RABGAP1L: variants seen among roughly 807,000 people sequenced by gnomAD.
RABGAP1L encodes RAB GTPase activating protein 1 like.
A neutral mutation model predicts 137.7 loss-of-function variants in RABGAP1L; 63 were observed. The observed-to-expected ratio is 0.46, with a 90% confidence interval of 0.37 to 0.56. RABGAP1L has a LOEUF of 0.56. Ranked by LOEUF, RABGAP1L falls within the 20% of genes least tolerant of loss-of-function variation. RABGAP1L has a pLI of 0.00. For missense variants in RABGAP1L, 1,095 were observed against 1,244.0 expected (o/e 0.88, Z 1.80); for synonymous variants, 431 against 433.7 (o/e 0.99, Z 0.08).
chr1:174,932,169 A>G (rs1663942555), intron 19 of RABGAP1L, among the ~76,000 whole-genome samples: 1 of 151,414 alleles, frequency 6.6e-6, no homozygotes, highest in Non-Finnish European at 1.5e-5. Flanking sequence ...TTCATATAGG[A>G]TGAAGGAAAC....
At chr1:174,886,415 C>T (rs1178630475) in intron 19 of RABGAP1L, among the ~76,000 whole-genome samples, 1 of 152,178 alleles carries the variant, frequency 6.6e-6, no homozygotes, top group Non-Finnish European at 1.5e-5. Context: ...TATTTACAAA[C>T]AGGATTTACA....
At chr1:174,652,904 C>G (rs961276857) in intron 14 of RABGAP1L, among the ~76,000 whole-genome samples, 7 of 152,196 alleles carry the variant, frequency 4.6e-5, no homozygotes, top group African/African-American at 1.7e-4. Flanking sequence ...CACAGCCTCC[C>G]CTTCCCCCAG....
At chr1:174,785,407 G>C (rs1308434577) in intron 18 of RABGAP1L, among the ~76,000 whole-genome samples, 1 of 152,190 alleles carries the variant, frequency 6.6e-6, no homozygotes, top group Non-Finnish European at 1.5e-5. Context: ...TGAGATTAAG[G>C]TTAGCTTATC....
intron 19 of RABGAP1L, among the ~76,000 whole-genome samples, chr1:174,939,440 C>A (rs79206353): frequency 0.13 from 20,376 of 151,456 alleles, 4,511 homozygotes; most frequent in African/African-American, 0.46. Context: ...TGCCTGTTAC[C>A]ATCTACTTGG....
intron 13 of RABGAP1L, among the ~76,000 whole-genome samples, chr1:174,489,835 G>T (rs1660051870): frequency 6.6e-6 from 1 of 152,006 alleles, no homozygotes; most frequent in African/African-American, 2.4e-5. Flanking sequence ...TTACACTATG[G>T]AGTACTATAC....
rs183209298 is a variant in RABGAP1L at position 174,989,974 on chromosome 1, C to T, written c.3129C>T (p.Val1043=). The change falls in exon 26 of 26, where the codon GTC becomes GTT. Residue 1043 remains valine (V), a synonymous_variant. Transcript: ENST00000681986. ...CCCAGCCATTGCAGCCAGCACCGGT[C>T]ACCCAGCCACCCAAGGAGAGCACAT... ...TGTQPLQPAP[V]TQPPKEST 223 of 1,547,364 alleles carry T rather than the reference C, an allele frequency of 1.4e-4. 1 individual carries two copies. In the African/African-American group the frequency reaches 2.7e-3, roughly 19 times the overall value.
intron 14 of RABGAP1L, among the ~76,000 whole-genome samples, chr1:174,679,112 G>GTTCTCCCTGTTTATATCC (rs1337866771): frequency 1.3e-5 from 2 of 152,172 alleles, no homozygotes; most frequent in African/African-American, 2.4e-5. Flanking sequence ...CCCGATCATT[G>GTTCTCCCTGTTTATATCC]TCCCTCCTCC....
intron 14 of RABGAP1L, among the ~76,000 whole-genome samples, chr1:174,645,091 A>G (rs1674842670): frequency 6.6e-6 from 1 of 152,164 alleles, no homozygotes; most frequent in African/African-American, 2.4e-5. Context: ...AAAAAAAAGT[A>G]CGTGAGATGA....
intron 13 of RABGAP1L, among the ~76,000 whole-genome samples, chr1:174,534,896 G>C (rs995794708): frequency 1.3e-5 from 2 of 151,688 alleles, no homozygotes; most frequent in African/African-American, 4.8e-5. Flanking sequence ...ACATAGCACT[G>C]TGATATTGTA....
At chr1:174,612,885 G>T (rs1671400512) in intron 13 of RABGAP1L, among the ~76,000 whole-genome samples, 1 of 151,910 alleles carries the variant, frequency 6.6e-6, no homozygotes, top group African/African-American at 2.4e-5. Context: ...TTGTATTTCT[G>T]TGGGATCGGT....
At chr1:174,707,784 C>T (rs950158490) in intron 17 of RABGAP1L, among the ~76,000 whole-genome samples, 1 of 152,168 alleles carries the variant, frequency 6.6e-6, no homozygotes, top group African/African-American at 2.4e-5. Flanking sequence ...ATCACCTTCC[C>T]CTCCATCACC....
At chr1:174,571,432 G>A (rs1478446920) in intron 13 of RABGAP1L, among the ~76,000 whole-genome samples, 2 of 152,080 alleles carry the variant, frequency 1.3e-5, no homozygotes, top group African/African-American at 4.8e-5. Flanking sequence ...TAATTGGATT[G>A]TTTGTAACAG....
chr1:174,311,960 G>C (rs1678899413), intron 11 of RABGAP1L, among the ~76,000 whole-genome samples: 1 of 152,166 alleles, frequency 6.6e-6, no homozygotes, highest in Non-Finnish European at 1.5e-5. Context: ...TCCGTTGCAT[G>C]TAAGTATCAC....
At chr1:174,853,546 A>C (rs1648741477) in intron 19 of RABGAP1L, among the ~76,000 whole-genome samples, 1 of 152,088 alleles carries the variant, frequency 6.6e-6, no homozygotes, top group Non-Finnish European at 1.5e-5. Flanking sequence ...CCTGGCTAAC[A>C]CGGTGAAACC....
intron 19 of RABGAP1L, among the ~76,000 whole-genome samples, chr1:174,862,406 T>C (rs562712881): frequency 1.3e-5 from 2 of 152,258 alleles, no homozygotes; most frequent in South Asian, 4.1e-4. Context: ...TCATTGTTAG[T>C]AGTAGTAATT....
intron 20 of RABGAP1L, among the ~76,000 whole-genome samples, chr1:174,967,162 T>C (rs1018814300): frequency 6.6e-6 from 1 of 151,126 alleles, no homozygotes; most frequent in South Asian, 2.1e-4. Flanking sequence ...ATATTTTCTT[T>C]CTTTCTTTTT....
chr1:174,560,329 T>C (rs1023096066), intron 13 of RABGAP1L, among the ~76,000 whole-genome samples: 17 of 152,170 alleles, frequency 1.1e-4, no homozygotes, highest in African/African-American at 4.1e-4. Context: ...TAGTCCCATA[T>C]ATCAGTTCTT....
At chr1:174,215,181 G>T (rs965021309) in intron 1 of RABGAP1L, among the ~76,000 whole-genome samples, 1 of 152,154 alleles carries the variant, frequency 6.6e-6, no homozygotes, top group African/African-American at 2.4e-5. Context: ...TTTAGATTGG[G>T]TGCAGTGGCT....
chr1:174,715,910 A>G (rs947472545), intron 17 of RABGAP1L, among the ~76,000 whole-genome samples: 4 of 152,174 alleles, frequency 2.6e-5, no homozygotes, highest in East Asian at 1.9e-4. Context: ...TTTCAGGCAC[A>G]GTTTTCCATT....
Sources: gnomAD v4.1 joint callset for allele counts (sites outside exome capture counted in the v4.1 genomes callset) on GRCh38, gnomAD v4.1.1 for gene constraint, MANE v1.5 for transcripts, NCBI Gene and HGNC (gene_info 2026-07-23, HGNC 2026-07-21) for gene names.